ALAD: variants seen among roughly 807,000 people sequenced by gnomAD.
ALAD encodes the protein delta-aminolevulinic acid dehydratase.
ALAD carries 20 observed loss-of-function variants against 44.4 expected under a neutral mutation model. The observed-to-expected ratio is 0.45, with a 90% CI of 0.32 to 0.65. The LOEUF (loss-of-function observed/expected upper bound fraction) is 0.65, where lower values mean the gene tolerates loss of function less well. Among genes scored for constraint, ALAD ranks in the 30% least tolerant of loss-of-function variants. The pLI, the probability that ALAD is intolerant of heterozygous loss-of-function variation, is 0.05. For synonymous variants in ALAD, 156 were observed against 167.9 expected (o/e 0.93, Z 0.55); for missense variants, 323 against 445.7 (o/e 0.72, Z 2.48).
In ALAD at chr9:113,390,475, G is replaced by A; in HGVS notation, c.500C>T (p.Pro167Leu). ...CACGCGTCCATCCATCATGTCCGAC[G>A]GGGCTACCACCTGACATCCTGGGGG... ...YAKAGCQVVA[P>L]SDMMDGRVEA... The change falls in exon 7 of 12, where the codon CCG becomes CTG. Residue 167 changes from proline to leucine, a missense_variant. By Grantham distance (98) the Pro-to-Leu change is moderately conservative. Coordinates refer to ENST00000409155, the MANE Select transcript of ALAD (RefSeq NM_000031.6). 1.2e-6 allele frequency: 2 copies of A among 1,614,086 alleles called. No homozygotes were observed. The highest frequency in any genetic ancestry group is 1.1e-5 in the South Asian group (1 of 91,082).
intron 1 of ALAD, among the ~76,000 whole-genome samples, chr9:113,397,806 G>GT (rs1827772914): frequency 6.6e-6 from 1 of 151,838 alleles, no homozygotes; most frequent in African/African-American, 2.4e-5. Context: ...TGTATTTTTA[G>GT]TAGAGACAGG....
intron 1 of ALAD, chr9:113,397,137 A>AAG (rs1191032218): frequency 6.6e-6 from 1 of 152,356 alleles, no homozygotes; most frequent in African/African-American, 2.4e-5. Context: ...GAGTCAAGTC[A>AAG]GATGTCGAAG....
intron 1 of ALAD, among the ~76,000 whole-genome samples, chr9:113,393,981 C>T (rs1311551182): frequency 6.6e-6 from 1 of 150,966 alleles, no homozygotes; most frequent in Non-Finnish European, 1.5e-5. Flanking sequence ...CTCTGTCGCC[C>T]AGGCTGGAGT....
At position 113,389,827 on chromosome 9, in the gene ALAD, A is replaced by G. The variant is rs764647305; in HGVS notation, c.572T>C (p.Val191Ala). ...TTTGGCACTGTAGCTCATCACCGATACCTATGGGGAGACAATGGAGGTCTT... is the reference window on the plus strand; with the variant it reads ...TTTGGCACTGTAGCTCATCACCGATGCCTATGGGGAGACAATGGAGGTCTT... ...ALMAHGLGNRVSVMSYSAKFA... is the reference protein window; with the variant it reads ...ALMAHGLGNRASVMSYSAKFA... The change falls in exon 8 of 12, where the codon GTA becomes GCA. Residue 191 changes from valine (V) to alanine (A), a missense_variant and splice_region_variant. Transcript: ENST00000409155. 3.7e-5 allele frequency: 60 copies of G among 1,614,228 alleles called. 1 individual carries two copies. The South Asian group carries it at 6.1e-4, about 17-fold the overall frequency.
chr9:113,390,586 C>A lies in ALAD; in HGVS notation c.481+7G>T. On this transcript the variant is annotated splice_region_variant and intron_variant, in intron 6 of 11. Transcript: ENST00000409155. ...GAGGTGCCCATCCCTGCTGGTGGTTCACTCACCTGCCTTGGCATACGCCAA... is the reference window on the plus strand; with the variant it reads ...GAGGTGCCCATCCCTGCTGGTGGTTAACTCACCTGCCTTGGCATACGCCAA... The A allele has an allele frequency of 1.2e-6, 2 of 1,614,028 alleles. No individual in the cohort carries two copies. The highest frequency in any genetic ancestry group is 2.2e-5 in the East Asian group (1 of 44,876).
intron 2 of ALAD, 40 bp downstream of exon 2, chr9:113,393,407 A>ACCCCCAC: frequency 6.4e-7 from 1 of 1,551,294 alleles, no homozygotes; most frequent in Non-Finnish European, 8.9e-7. Context: ...CCCAACCCCA[A>ACCCCCAC]CCAGCAGAGC....
rs776689746 is a variant in ALAD at position 113,391,514 on chromosome 9, T to A, written c.261+13A>T. The A allele has an allele frequency of 3.1e-6, 5 of 1,612,956 alleles. No homozygotes were observed. In the South Asian group the frequency reaches 5.5e-5, roughly 18 times the overall value. On this transcript the variant is annotated intron_variant, in intron 4 of 11. Transcript: ENST00000409155. Reference sequence around the variant, plus strand: ...CGCAACCTCCCTTCTTAGCCCTTCCTTTGATTCTTCACCTTGGGAACTCTG... The same window carrying A: ...CGCAACCTCCCTTCTTAGCCCTTCCATTGATTCTTCACCTTGGGAACTCTG...
rs1294944666 is a variant in ALAD, at chr9:113,387,880, C to A, written c.*420G>T. ...TATCGATCTAGGCCTCATTCCCACA[C>A]CCAGCTCTGCTGCCAGAAGCGTTCC... On this transcript the variant is annotated 3_prime_UTR_variant, in exon 12 of 12. Transcript: ENST00000409155. 1 of 295,798 alleles carries A rather than the reference C, an allele frequency of 3.4e-6. No homozygotes were observed. The allele number at this position is 295,798 out of a possible 1,614,324, so 18.3% of individuals were successfully genotyped here.
rs1337417047 is a variant in ALAD at position 113,391,434 on chromosome 9, G to A, written c.261+93C>T. 8 of 1,095,334 alleles carry A rather than the reference G, an allele frequency of 7.3e-6. No individual in the cohort carries two copies. In the Admixed American group the frequency reaches 1.1e-4, roughly 15 times the overall value. The allele number at this position is 1,095,334 out of a possible 1,614,324, so 67.9% of individuals were successfully genotyped here. On this transcript the variant is annotated intron_variant, in intron 4 of 11. Coordinates refer to ENST00000409155, the MANE Select transcript of ALAD (RefSeq NM_000031.6). ...GTCCAGGCTGGTCTCAAAATCCTGG[G>A]CTCAAGTGATCCACCCACTTTGGCC... is the stretch of plus-strand genomic sequence containing the variant.
rs1180896429 is a variant in ALAD at position 113,395,245 on chromosome 9, A to G, written c.-75-1611T>C. ...CCTGGGCTCCACGAGCACAAGCTAC[A>G]CCTTCTTGCTTTCCTAACCTTGTCC... is the stretch of plus-strand genomic sequence containing the variant. On this transcript the variant is annotated intron_variant, in intron 1 of 11. Coordinates refer to ENST00000409155, the MANE Select transcript of ALAD (RefSeq NM_000031.6). Among the ~76,000 whole-genome samples the G allele has an allele frequency of 2.0e-5, 3 of 152,230 alleles. No homozygotes were observed. In the East Asian group the frequency reaches 5.8e-4, roughly 29 times the overall value.
At chr9:113,394,622 T>G (rs1403907085) in intron 1 of ALAD, among the ~76,000 whole-genome samples, 1 of 152,188 alleles carries the variant, frequency 6.6e-6, no homozygotes, top group Non-Finnish European at 1.5e-5. Context: ...TCCTTCCTTA[T>G]GCATAAAGAA....
chr9:113,400,691 A>T lies in ALAD; in HGVS notation c.-76+521T>A, dbSNP rs1036840746. On this transcript the variant is annotated intron_variant, in intron 1 of 11. Coordinates refer to ENST00000409155, the MANE Select transcript of ALAD (RefSeq NM_000031.6). ...TACAAAAATTAGCAGGCGTGGTGGC[A>T]CACGCCTGTAATCCCAGCTAGTTGG... 3.9e-5 allele frequency among the ~76,000 whole-genome samples: 6 copies of T among 152,044 alleles called. No homozygotes were observed. In the South Asian group the frequency reaches 1.2e-3, roughly 32 times the overall value.
chr9:113,388,131 GAGTT>G lies in ALAD; in HGVS notation c.*165_*168del. The G allele has an allele frequency of 1.4e-6, 1 of 707,856 alleles. No homozygotes were observed. Among genetic ancestry groups the G allele is most frequent in the Non-Finnish European group, 2.5e-6 (1 of 395,944 alleles). 43.8% of individuals were successfully genotyped at this position (707,856 alleles called of 1,614,324 possible). A position where few individuals can be genotyped will look rare whatever the true frequency, so the allele number is the denominator to read the frequency against. On this transcript the variant is annotated 3_prime_UTR_variant, in exon 12 of 12. Transcript: ENST00000409155. The stretch of plus-strand genomic sequence containing the variant: ...CATAGGATGCAGCTGCGAGTTACAA[GAGTT>G]AGCATGCTGGCAAAACCACCCAGGG...
rs1191206271 is a variant in ALAD at position 113,390,584 on chromosome 9, T to G, written c.481+9A>C. 6.2e-7 allele frequency: 1 copy of G among 1,613,920 alleles called. No homozygotes were observed. The highest frequency in any genetic ancestry group is 1.3e-5 in the African/African-American group (1 of 74,940). On this transcript the variant is annotated intron_variant, in intron 6 of 11. Transcript: ENST00000409155. ...CAGAGGTGCCCATCCCTGCTGGTGG[T>G]TCACTCACCTGCCTTGGCATACGCC...
chr9:113,389,356 G>A, intron 10 of ALAD, 82 bp downstream of exon 10: 1 of 1,542,362 alleles, frequency 6.5e-7, no homozygotes, highest in Non-Finnish European at 8.9e-7. Context: ...AGGGCAAACT[G>A]CTTCCAACTC....
rs561342837 is a variant in ALAD at position 113,387,284 on chromosome 9, C to T, written c.*1016G>A. On this transcript the variant is annotated 3_prime_UTR_variant, in exon 12 of 12. Coordinates refer to ENST00000409155, the MANE Select transcript of ALAD (RefSeq NM_000031.6). ...TGATGGCTCACCCTTCAGGTCTAGG[C>T]TCAAATGTCAGTCCTTCAGGGAAGT... is the stretch of plus-strand genomic sequence containing the variant. 6.6e-6 allele frequency: 1 copy of T among 152,348 alleles called. No individual in the cohort carries two copies. Among genetic ancestry groups the T allele is most frequent in the African/African-American group, 2.4e-5 (1 of 41,550 alleles). 9.4% of individuals were successfully genotyped at this position (152,348 alleles called of 1,614,324 possible).
At chr9:113,391,981 G>C (rs1156617775) in intron 3 of ALAD, 138 bp downstream of exon 3, 6 of 917,152 alleles carry the variant, frequency 6.5e-6, no homozygotes, top group Non-Finnish European at 1.0e-5. Context: ...TGGCCCCGGG[G>C]AAACCCTTTC....
At chr9:113,390,736 G>A (rs549973284) in intron 5 of ALAD, 60 bp from the exon 6 acceptor site, 1 of 1,600,882 alleles carries the variant, frequency 6.2e-7, no homozygotes, top group East Asian at 2.3e-5. Context: ...TCCCCACCCT[G>A]TTGAGAAGTG....
intron 4 of ALAD, 55 bp from the exon 5 acceptor site, chr9:113,390,988 C>T: frequency 6.2e-7 from 1 of 1,607,480 alleles, no homozygotes. Context: ...CTTTGGAAGG[C>T]AGGATGACAG....
Sources: gnomAD v4.1 joint callset for allele counts (sites outside exome capture counted in the v4.1 genomes callset) on GRCh38, gnomAD v4.1.1 for gene constraint, MANE v1.5 for transcripts, NCBI Gene and HGNC (gene_info 2026-07-23, HGNC 2026-07-21) for gene names.